Variants in KIFC3 observed in about 807,000 individuals in gnomAD.
KIFC3 encodes the protein kinesin family member C3, also known as kinesin-like protein KIFC3.
In KIFC3, 60 loss-of-function variants were observed where a neutral mutation model predicts 101.8. The observed-to-expected ratio is 0.59, with a 90% CI of 0.48 to 0.73. The LOEUF is 0.73. Among genes scored for constraint, KIFC3 ranks in the 30% least tolerant of loss-of-function variants. The pLI is 0.00. For synonymous variants in KIFC3, 476 were observed against 482.7 expected (o/e 0.99, Z 0.18); for missense variants, 966 against 1,137.1 (o/e 0.85, Z 2.16).
chr16:57,765,426 T>C (rs370686280), intron 11 of KIFC3, 33 bp downstream of exon 11: 7 of 1,544,442 alleles, frequency 4.5e-6, no homozygotes, highest in East Asian at 4.7e-5. Flanking sequence ...CTCTCTCCCT[T>C]GCTTTCCCTT....
At chr16:57,841,261 G>T (rs2055804514) in intron 1 of KIFC3, among the ~76,000 whole-genome samples, 1 of 152,172 alleles carries the variant, frequency 6.6e-6, no homozygotes, top group African/African-American at 2.4e-5. Flanking sequence ...CTAGTAGGGT[G>T]GTCAAGGAAG....
chr16:57,845,432 G>A lies in KIFC3; in HGVS notation c.108+17297C>T, dbSNP rs564379960. 7.2e-5 allele frequency among the ~76,000 whole-genome samples: 11 copies of A among 152,200 alleles called. No individual in the cohort carries two copies. In the South Asian group the frequency reaches 8.3e-4, roughly 11 times the overall value. The stretch of plus-strand genomic sequence containing the variant: ...CAAAGCCGTCTGTGGCCCCCATATC[G>A]CTTCAAGTGAAAACCAAGGTTCTGC... On this transcript the variant is annotated intron_variant, in intron 1 of 2. Transcript: ENST00000563028.
intron 1 of KIFC3, among the ~76,000 whole-genome samples, chr16:57,858,889 G>A (rs546737840): frequency 2.0e-5 from 3 of 152,202 alleles, no homozygotes; most frequent in Non-Finnish European, 2.9e-5. Context: ...AATCAATGCC[G>A]CAGTGAGCTG....
chr16:57,782,104 T>C (rs972193221), intron 3 of KIFC3: 2 of 985,272 alleles, frequency 2.0e-6, no homozygotes, highest in Non-Finnish European at 2.4e-6. Flanking sequence ...CAAACCACAG[T>C]GAGGCCAGCA....
chr16:57,843,024 T>C (rs1362931570), intron 1 of KIFC3, among the ~76,000 whole-genome samples: 2 of 151,918 alleles, frequency 1.3e-5, no homozygotes, highest in Admixed American at 1.3e-4. Flanking sequence ...TCCCAGCTAC[T>C]CGGGAGGCTG....
At chr16:57,851,778 C>T (rs1278046830) in intron 1 of KIFC3, among the ~76,000 whole-genome samples, 4 of 146,890 alleles carry the variant, frequency 2.7e-5, no homozygotes, top group South Asian at 2.2e-4. Context: ...CTCGCACTGT[C>T]GCCTGGGCTG....
intron 3 of KIFC3, among the ~76,000 whole-genome samples, chr16:57,786,505 G>A (rs2053337927): frequency 6.6e-6 from 1 of 152,104 alleles, no homozygotes; most frequent in Admixed American, 6.5e-5. Context: ...AAGAGTTTGG[G>A]GGAGAGAGAG....
At chr16:57,771,485 G>GT in intron 5 of KIFC3, 48 bp from the exon 6 acceptor site, 1 of 1,610,552 alleles carries the variant, frequency 6.2e-7, no homozygotes, top group Non-Finnish European at 8.5e-7. Flanking sequence ...CAGGCTCACT[G>GT]TGAGGAGCTG....
chr16:57,814,128 C>T (rs1479384834), intron 1 of KIFC3, among the ~76,000 whole-genome samples: 3 of 152,222 alleles, frequency 2.0e-5, no homozygotes, highest in South Asian at 4.1e-4. Flanking sequence ...TGCCTGCAGC[C>T]GCCCTGCCCA....
At chr16:57,833,883 T>TGAG (rs1405515261) in intron 1 of KIFC3, among the ~76,000 whole-genome samples, 152 of 150,374 alleles carry the variant, frequency 1.0e-3, no homozygotes, top group Non-Finnish European at 1.8e-3. Context: ...TTTTTTTTTT[T>TGAG]TTTGAGTCTG....
At chr16:57,833,903 C>T (rs2055634658) in intron 1 of KIFC3, among the ~76,000 whole-genome samples, 3 of 125,588 alleles carry the variant, frequency 2.4e-5, no homozygotes, top group South Asian at 5.8e-4. Context: ...GAGTCTTGCT[C>T]TGTCACCAGG....
At chr16:57,760,676 C>T (rs1555595539) in intron 16 of KIFC3, 50 bp downstream of exon 16, 11 of 1,503,058 alleles carry the variant, frequency 7.3e-6, no homozygotes, top group South Asian at 2.3e-5. Flanking sequence ...TCACTGCTAG[C>T]GTAGCCCCTA....
At chr16:57,818,297 A>G (rs1434966794) in intron 1 of KIFC3, among the ~76,000 whole-genome samples, 1 of 152,136 alleles carries the variant, frequency 6.6e-6, no homozygotes, top group Admixed American at 6.5e-5. Flanking sequence ...CTTGGGAAAC[A>G]GTTGGTAAGG....
At chr16:57,773,234 G>A (rs1467237984) in intron 3 of KIFC3, among the ~76,000 whole-genome samples, 1 of 152,174 alleles carries the variant, frequency 6.6e-6, no homozygotes. Context: ...CTGTGTGGTG[G>A]TTTAGGAGGT....
At chr16:57,768,270 C>T (rs531148333) in intron 9 of KIFC3, among the ~76,000 whole-genome samples, 21 of 152,156 alleles carry the variant, frequency 1.4e-4, no homozygotes, top group Non-Finnish European at 2.2e-4. Context: ...CGCTTGAACC[C>T]GGGAGGTGGG....
At chr16:57,835,636 C>G (rs1241812353) in intron 1 of KIFC3, among the ~76,000 whole-genome samples, 8 of 152,096 alleles carry the variant, frequency 5.3e-5, no homozygotes. Flanking sequence ...GTGATTCACC[C>G]AAAGTTTTGT....
chr16:57,803,015 A>G (rs531285824), upstream of KIFC3: 12 of 1,535,814 alleles, frequency 7.8e-6, no homozygotes, highest in East Asian at 2.4e-4. Flanking sequence ...GCGCACATGC[A>G]CTCACACTGT....
intron 3 of KIFC3, among the ~76,000 whole-genome samples, chr16:57,786,063 A>G (rs1386259130): frequency 2.0e-5 from 3 of 152,160 alleles, no homozygotes; most frequent in African/African-American, 7.2e-5. Context: ...TTATTTCTTT[A>G]AGTCTCAAAC....
rs1555598788 is a variant in KIFC3, at chr16:57,762,253, T to C, written c.1635A>G (p.Pro545=). Reference sequence around the variant, plus strand: ...GCTGCAGGGCCCGCTGGTTGATACCTGGGTTCTCAGCGGTCCCCTGGGGAC... The same window carrying C: ...GCTGCAGGGCCCGCTGGTTGATACCCGGGTTCTCAGCGGTCCCCTGGGGAC... ...TYTMEGTAEN[P]GINQRALQLL... Residue 545 remains proline, a synonymous_variant, in exon 13 of 20, where the codon CCA becomes CCG. Transcript: ENST00000445690. The C allele has an allele frequency of 6.3e-7, 1 of 1,581,536 alleles. No individual in the cohort carries two copies. The highest frequency in any genetic ancestry group is 8.6e-7 in the Non-Finnish European group (1 of 1,164,950).
Sources: gnomAD v4.1 joint callset for allele counts (sites outside exome capture counted in the v4.1 genomes callset) on GRCh38, gnomAD v4.1.1 for gene constraint, MANE v1.5 for transcripts, NCBI Gene and HGNC (gene_info 2026-07-23, HGNC 2026-07-21) for gene names.